GLIS1: variants seen among roughly 807,000 people sequenced by gnomAD.
GLIS1 encodes the protein GLIS family zinc finger 1.
GLIS1 carries 24 observed loss-of-function variants against 63.8 expected under a neutral mutation model. The ratio of observed to expected loss-of-function variants is 0.38; its 90% CI spans 0.27 to 0.53. The LOEUF (loss-of-function observed/expected upper bound fraction) is 0.53, where lower values mean the gene tolerates loss of function less well. GLIS1 is among the 20% of genes least tolerant of loss of function. The pLI is 0.85. For synonymous variants in GLIS1, 450 were observed against 482.5 expected, an observed-to-expected ratio of 0.93 and a Z score of 0.88; for missense variants, 1,036 against 1,074.1, an observed-to-expected ratio of 0.96 and a Z score of 0.50.
chr1:53,718,178 G>C (rs1236402048), intron 2 of GLIS1, among the ~76,000 whole-genome samples: 1 of 152,234 alleles, frequency 6.6e-6, no homozygotes, highest in Non-Finnish European at 1.5e-5. Context: ...GAGCCACTCA[G>C]CATCGTTTTA....
intron 2 of GLIS1, among the ~76,000 whole-genome samples, chr1:53,711,475 C>A (rs999303589): frequency 3.3e-5 from 5 of 152,248 alleles, no homozygotes; most frequent in Non-Finnish European, 7.3e-5. Context: ...TCTGTGCCTT[C>A]CTGCTGCCTC....
intron 2 of GLIS1, among the ~76,000 whole-genome samples, chr1:53,727,279 G>T (rs1447801953): frequency 6.6e-6 from 1 of 152,168 alleles, no homozygotes; most frequent in African/African-American, 2.4e-5. Context: ...AGCCCAAAAT[G>T]GTGCCCAGAG....
intron 2 of GLIS1, among the ~76,000 whole-genome samples, chr1:53,602,537 T>G (rs937697539): frequency 1.1e-4 from 16 of 152,236 alleles, no homozygotes; most frequent in East Asian, 7.7e-4. Flanking sequence ...CCTCCCCTCC[T>G]GCACTTAGGA....
At chr1:53,523,383 C>G (rs776555921) in intron 6 of GLIS1, among the ~76,000 whole-genome samples, 1 of 152,152 alleles carries the variant, frequency 6.6e-6, no homozygotes, top group Non-Finnish European at 1.5e-5. Context: ...AGCACCCCAT[C>G]GCTGTCTCCC....
chr1:53,593,979 C>A, intron 4 of GLIS1, 129 bp downstream of exon 4: 1 of 1,128,044 alleles, frequency 8.9e-7, no homozygotes, highest in African/African-American at 1.6e-5. Context: ...TGGGTCCTTT[C>A]CTCCTCAACC....
intron 2 of GLIS1, among the ~76,000 whole-genome samples, chr1:53,714,328 C>T (rs988744360): frequency 3.9e-5 from 6 of 152,210 alleles, no homozygotes; most frequent in African/African-American, 1.4e-4. Context: ...CAGAGGGGTG[C>T]TCCATAAATG....
chr1:53,524,058 A>G (rs936945963), intron 6 of GLIS1, among the ~76,000 whole-genome samples: 3 of 152,154 alleles, frequency 2.0e-5, no homozygotes, highest in African/African-American at 7.2e-5. Flanking sequence ...TGAACTTTTA[A>G]ATTTGTGCCA....
At chr1:53,712,994 C>A (rs1399594493) in intron 2 of GLIS1, among the ~76,000 whole-genome samples, 1 of 151,910 alleles carries the variant, frequency 6.6e-6, no homozygotes, top group Non-Finnish European at 1.5e-5. Context: ...AGGTAAGATG[C>A]AGAGGGAAAA....
intron 7 of GLIS1, among the ~76,000 whole-genome samples, chr1:53,520,138 G>A (rs567074774): frequency 2.2e-4 from 33 of 152,334 alleles, no homozygotes; most frequent in African/African-American, 6.3e-4. Flanking sequence ...GGGGCAGAGC[G>A]AAGCCCAGAG....
chr1:53,721,393 T>C (rs562675292), intron 2 of GLIS1, among the ~76,000 whole-genome samples: 11 of 152,262 alleles, frequency 7.2e-5, no homozygotes, highest in African/African-American at 2.6e-4. Flanking sequence ...AAAGGAATTA[T>C]ATTTGTAAGG....
At chr1:53,601,955 T>A (rs1424974051) in intron 2 of GLIS1, among the ~76,000 whole-genome samples, 1 of 152,166 alleles carries the variant, frequency 6.6e-6, no homozygotes, top group African/African-American at 2.4e-5. Context: ...AGTCTGTGGA[T>A]GAGCATGCAA....
rs191478007 is a variant in GLIS1, at chr1:53,716,880, T to C, written c.259+20926A>G. 4.6e-5 allele frequency among the ~76,000 whole-genome samples: 7 copies of C among 152,238 alleles called. No individual in the cohort carries two copies. In the East Asian group the frequency reaches 1.3e-3, roughly 29 times the overall value. Reference sequence around the variant, plus strand: ...GAAGGTCATGAGTCTCCAGAAACAGTGGGCCTGCCAAGTATCTAGCCCAAC... The same window carrying C: ...GAAGGTCATGAGTCTCCAGAAACAGCGGGCCTGCCAAGTATCTAGCCCAAC... On this transcript the variant is annotated intron_variant, in intron 2 of 10. Transcript: ENST00000628545.
chr1:53,572,065 T>C (rs1443351205), intron 4 of GLIS1, among the ~76,000 whole-genome samples: 1 of 152,226 alleles, frequency 6.6e-6, no homozygotes, highest in Non-Finnish European at 1.5e-5. Context: ...TTCCAGGAAT[T>C]CACAGATGTT....
rs571803320 is a variant in GLIS1 at position 53,679,892 on chromosome 1, C to T, written c.259+57914G>A. ...GAGGATACTTAGAGCTGAAAACCAA[C>T]AGCTCCTACCCACACCTGAGGCAGC... On this transcript the variant is annotated intron_variant, in intron 2 of 10. Transcript: ENST00000628545. Among the ~76,000 whole-genome samples the T allele has an allele frequency of 1.1e-3, 165 of 152,338 alleles. 1 individual carries two copies. Among genetic ancestry groups the T allele is most frequent in the Non-Finnish European group, 1.5e-3 (100 of 68,030 alleles).
Position 53,597,191 on chromosome 1 carries a change from A to C in GLIS1, c.438-2201T>G, listed in dbSNP as rs1417483085. Among the ~76,000 whole-genome samples the C allele has an allele frequency of 9.0e-4, 130 of 144,712 alleles. 1 individual carries two copies. Among genetic ancestry groups the C allele is most frequent in the African/African-American group, 3.2e-3 (128 of 39,782 alleles). 94.9% of individuals were successfully genotyped at this position (144,712 alleles called of 152,430 possible). On this transcript the variant is annotated intron_variant, in intron 3 of 10. Transcript: ENST00000628545. ...CTGTCTCTACTAAAAAAAAAAAAAAAAAAAAAAAAAAAAAAAAAAACACTA... is the reference window on the plus strand; with the variant it reads ...CTGTCTCTACTAAAAAAAAAAAAAACAAAAAAAAAAAAAAAAAAAACACTA...
intron 2 of GLIS1, among the ~76,000 whole-genome samples, chr1:53,728,362 T>C (rs1034351210): frequency 3.3e-5 from 5 of 152,194 alleles, no homozygotes; most frequent in African/African-American, 1.2e-4. Flanking sequence ...TAATTGAGCA[T>C]TTACCATGTG....
intron 2 of GLIS1, among the ~76,000 whole-genome samples, chr1:53,670,978 A>G (rs1361082913): frequency 4.6e-5 from 7 of 152,358 alleles, no homozygotes; most frequent in Non-Finnish European, 1.0e-4. Flanking sequence ...TATGACCACT[A>G]TTTTGAGAGG....
intron 2 of GLIS1, among the ~76,000 whole-genome samples, chr1:53,687,216 G>A (rs758204209): frequency 2.0e-5 from 3 of 152,308 alleles, no homozygotes; most frequent in East Asian, 1.9e-4. Context: ...GGAAGGGGCC[G>A]CTTGCCTCTT....
chr1:53,685,533 A>C (rs1371719145), intron 2 of GLIS1, among the ~76,000 whole-genome samples: 2 of 152,188 alleles, frequency 1.3e-5, no homozygotes, highest in Non-Finnish European at 1.5e-5. Context: ...TGATTTTTAC[A>C]ATCTGATTAG....
Sources: gnomAD v4.1 joint callset for allele counts (sites outside exome capture counted in the v4.1 genomes callset) on GRCh38, gnomAD v4.1.1 for gene constraint, MANE v1.5 for transcripts, NCBI Gene and HGNC (gene_info 2026-07-23, HGNC 2026-07-21) for gene names.